CUX1: variants seen among roughly 807,000 people sequenced by gnomAD.
The protein encoded by CUX1 is protein CASP.
Under a neutral mutation model 158.8 loss-of-function variants are expected in CUX1, and 31 were observed. The ratio of observed to expected loss-of-function variants is 0.20; its 90% CI spans 0.15 to 0.26. The LOEUF (loss-of-function observed/expected upper bound fraction) is 0.26, where lower values mean the gene tolerates loss of function less well. CUX1 is among the 10% of genes least tolerant of loss of function. CUX1 has a pLI of 1.00. For synonymous variants in CUX1, 879 were observed against 862.1 expected (o/e 1.02, Z -0.34); for missense variants, 1,589 against 2,014.6 (o/e 0.79, Z 4.04).
intron 2 of CUX1, among the ~76,000 whole-genome samples, chr7:101,977,844 A>G (rs759827865): frequency 1.5e-4 from 23 of 152,168 alleles, no homozygotes; most frequent in Admixed American, 3.9e-4. Flanking sequence ...TCAAGCTGCA[A>G]TCTTGCTTTT....
At chr7:101,917,580 C>T (rs1190253378) in intron 2 of CUX1, among the ~76,000 whole-genome samples, 3 of 152,106 alleles carry the variant, frequency 2.0e-5, no homozygotes, top group Non-Finnish European at 2.9e-5. Context: ...GTCAGCCTTG[C>T]CATGAGTAAA....
chr7:102,112,892 T>A (rs1585733305), intron 7 of CUX1, among the ~76,000 whole-genome samples: 2 of 152,316 alleles, frequency 1.3e-5, no homozygotes, highest in South Asian at 4.1e-4. Flanking sequence ...TTTAAATTTT[T>A]ATTATTTTTT....
rs1755826755 is a variant in CUX1 at position 102,251,911 on chromosome 7, TAA to T, written c.*2870_*2871del. ...TTTGTCCATTCTAGTGGCCAAACAG[TAA>T]CAGTCTAAAATGCAGTCATTTTGAC... On this transcript the variant is annotated 3_prime_UTR_variant, in exon 24 of 24. Transcript: ENST00000292535. 1.0e-6 allele frequency: 1 copy of T among 985,314 alleles called. No homozygotes were observed. The highest frequency in any genetic ancestry group is 1.7e-5 in the African/African-American group (1 of 57,248). 61.0% of individuals were successfully genotyped at this position (985,314 alleles called of 1,614,324 possible).
chr7:102,243,863 A>T (rs2132551518), intron 23 of CUX1, among the ~76,000 whole-genome samples: 1 of 151,886 alleles, frequency 6.6e-6, no homozygotes, highest in East Asian at 1.9e-4. Context: ...CCCTGCCTCT[A>T]CTAAAAATAC....
rs1801599622 is a variant in CUX1 at position 102,252,282 on chromosome 7, C to G, written c.*3240C>G. Reference sequence around the variant, plus strand: ...CCTCAGTTGGAGTCTAAGGGTTAATCTCTCATCTTGCTAAGCAGTATTCAA... The same window carrying G: ...CCTCAGTTGGAGTCTAAGGGTTAATGTCTCATCTTGCTAAGCAGTATTCAA... On this transcript the variant is annotated 3_prime_UTR_variant, in exon 24 of 24. Coordinates refer to ENST00000292535, the MANE Select transcript of CUX1 (RefSeq NM_181552.4). 1 of 985,328 alleles carries G rather than the reference C, an allele frequency of 1.0e-6. No homozygotes were observed. Among genetic ancestry groups the G allele is most frequent in the Non-Finnish European group, 1.2e-6 (1 of 829,958 alleles). 61.0% of individuals were successfully genotyped at this position (985,328 alleles called of 1,614,324 possible).
chr7:102,214,901 T>C (rs375445), intron 20 of CUX1, among the ~76,000 whole-genome samples: 94,882 of 152,188 alleles, frequency 0.62, 29,865 homozygotes, highest in East Asian at 0.89. Context: ...GTCCTTTCCT[T>C]GACGGCCAAA....
At chr7:102,200,201 C>G in intron 17 of CUX1, 29 bp downstream of exon 17, 2 of 1,557,378 alleles carry the variant, frequency 1.3e-6, no homozygotes, top group Non-Finnish European at 1.8e-6. Context: ...CATCCACTGT[C>G]TTCAAACTTA....
At chr7:101,963,725 T>G (rs921372071) in intron 2 of CUX1, among the ~76,000 whole-genome samples, 1 of 152,180 alleles carries the variant, frequency 6.6e-6, no homozygotes, top group Non-Finnish European at 1.5e-5. Context: ...TAATCATGGC[T>G]CACTGCAGCC....
At chr7:102,205,764 C>T (rs1347714552) in intron 20 of CUX1, among the ~76,000 whole-genome samples, 2 of 152,170 alleles carry the variant, frequency 1.3e-5, no homozygotes, top group Non-Finnish European at 2.9e-5. Context: ...GGGCTCCTTC[C>T]TGTCTGCATT....
chr7:102,247,130 G>T (rs1554537213), intron 23 of CUX1, among the ~76,000 whole-genome samples: 1 of 152,022 alleles, frequency 6.6e-6, no homozygotes, highest in Non-Finnish European at 1.5e-5. Context: ...GGAGGTGGAG[G>T]TTGCAGGGAG....
intron 1 of CUX1, among the ~76,000 whole-genome samples, chr7:101,849,912 ATTTTTTTTTT>A (rs71106570): frequency 0.016 from 1,947 of 124,308 alleles, 40 homozygotes; most frequent in African/African-American, 0.059. Flanking sequence ...GTCTCATGCA[ATTTTTTTTTT>A]TTTTTTTTTT....
chr7:101,849,222 T>C (rs890641065), intron 1 of CUX1, among the ~76,000 whole-genome samples: 2 of 152,148 alleles, frequency 1.3e-5, no homozygotes, highest in Non-Finnish European at 2.9e-5. Flanking sequence ...GGTAAACTTT[T>C]GTCATGGGGG....
At chr7:102,179,289 C>G (rs1345211519) in intron 11 of CUX1, among the ~76,000 whole-genome samples, 1 of 152,230 alleles carries the variant, frequency 6.6e-6, no homozygotes, top group Non-Finnish European at 1.5e-5. Flanking sequence ...CTCAGGTGAT[C>G]TGTCCACCTC....
At chr7:101,833,762 C>T (rs559768894) in intron 1 of CUX1, among the ~76,000 whole-genome samples, 1 of 152,024 alleles carries the variant, frequency 6.6e-6, no homozygotes, top group African/African-American at 2.4e-5. Context: ...AAACAGAGCT[C>T]TCAGGTTTTC....
At chr7:101,913,343 G>A (rs1280594002) in intron 1 of CUX1, 2 of 1,264,066 alleles carry the variant, frequency 1.6e-6, no homozygotes, top group East Asian at 6.0e-5. Context: ...TATGTCTGCG[G>A]GCACGGGGAA....
intron 1 of CUX1, among the ~76,000 whole-genome samples, chr7:101,832,631 C>T (rs1794174880): frequency 6.6e-6 from 1 of 152,156 alleles, no homozygotes; most frequent in South Asian, 2.1e-4. Flanking sequence ...TTTGTAATTC[C>T]CTGGTTTCAT....
chr7:101,862,165 A>T (rs564197340), intron 1 of CUX1, among the ~76,000 whole-genome samples: 1 of 151,026 alleles, frequency 6.6e-6, no homozygotes, highest in South Asian at 2.1e-4. Flanking sequence ...TTTCCTTTGA[A>T]TTTTTTTTTC....
At chr7:102,173,789 C>A (rs1554511062) in intron 10 of CUX1, among the ~76,000 whole-genome samples, 1 of 152,222 alleles carries the variant, frequency 6.6e-6, no homozygotes, top group South Asian at 2.1e-4. Context: ...ACTTCATCAT[C>A]GGTTAAGTGC....
intron 8 of CUX1, among the ~76,000 whole-genome samples, chr7:102,145,344 T>C (rs1025184883): frequency 1.3e-5 from 2 of 151,728 alleles, no homozygotes; most frequent in Non-Finnish European, 2.9e-5. Context: ...TCCTGAAAAT[T>C]TGTGGTTGAA....
Sources: gnomAD v4.1 joint callset for allele counts (sites outside exome capture counted in the v4.1 genomes callset) on GRCh38, gnomAD v4.1.1 for gene constraint, MANE v1.5 for transcripts, NCBI Gene and HGNC (gene_info 2026-07-23, HGNC 2026-07-21) for gene names.